The following ILDR2 variants were observed in gnomAD, a reference collection of about 807,000 sequenced individuals.
The protein encoded by ILDR2 is immunoglobulin like domain containing receptor 2.
ILDR2 carries 25 observed loss-of-function variants against 66.8 expected under a neutral mutation model. The observed-to-expected ratio is 0.37, with a 90% CI of 0.27 to 0.52. The LOEUF is 0.52. Among genes scored for constraint, ILDR2 ranks in the 20% least tolerant of loss-of-function variants. The probability of loss-of-function intolerance (pLI) is 0.88; values close to 1 mark genes in which losing one functional copy is unlikely to be tolerated. For synonymous variants in ILDR2, 367 were observed against 357.2 expected (o/e 1.03, Z -0.31); for missense variants, 827 against 876.8 (o/e 0.94, Z 0.72).
downstream of ILDR2, among the ~76,000 whole-genome samples, chr1:166,903,686 G>T (rs1408755894): frequency 6.6e-6 from 1 of 152,088 alleles, no homozygotes; most frequent in Non-Finnish European, 1.5e-5. Flanking sequence ...GATGTTGGGG[G>T]CCCCTGCAGC....
At chr1:166,935,590 A>C in intron 5 of ILDR2, 113 bp from the exon 6 acceptor site, 3 of 906,136 alleles carry the variant, frequency 3.3e-6, no homozygotes, top group East Asian at 2.8e-5. Flanking sequence ...GTGTATGTGC[A>C]TGTGTGAGCG....
intron 1 of ILDR2, among the ~76,000 whole-genome samples, chr1:166,974,790 C>A (rs1185117289): frequency 6.6e-6 from 1 of 152,214 alleles, no homozygotes; most frequent in Non-Finnish European, 1.5e-5. Flanking sequence ...CTAGCCTCCA[C>A]CTCCAGAAAA....
intron 3 of ILDR2, among the ~76,000 whole-genome samples, chr1:166,939,919 C>T (rs950393437): frequency 2.6e-5 from 4 of 152,164 alleles, no homozygotes; most frequent in Non-Finnish European, 2.9e-5. Context: ...AAGTCAAGCC[C>T]GTCTGTATCC....
At chr1:166,940,519 T>C (rs1458437521) in intron 3 of ILDR2, among the ~76,000 whole-genome samples, 1 of 152,202 alleles carries the variant, frequency 6.6e-6, no homozygotes, top group East Asian at 1.9e-4. Context: ...AAAGTCACTG[T>C]AGCACCTAAA....
intron 6 of ILDR2, among the ~76,000 whole-genome samples, chr1:166,930,803 G>A (rs1557936949): frequency 6.6e-6 from 1 of 152,056 alleles, no homozygotes; most frequent in African/African-American, 2.4e-5. Context: ...ATTTGTTAGC[G>A]TTCATTAAAT....
At chr1:166,925,524 T>C (rs1473845663) in intron 7 of ILDR2, among the ~76,000 whole-genome samples, 1 of 152,206 alleles carries the variant, frequency 6.6e-6, no homozygotes, top group East Asian at 1.9e-4. Context: ...GCTAGAAGGC[T>C]GTGGTCTCTG....
At chr1:166,968,328 C>G (rs1663082989) in intron 1 of ILDR2, among the ~76,000 whole-genome samples, 1 of 152,152 alleles carries the variant, frequency 6.6e-6, no homozygotes. Context: ...CCAACTCCTA[C>G]TTATCCTTCA....
At chr1:166,962,757 C>A (rs911663537) in intron 1 of ILDR2, among the ~76,000 whole-genome samples, 16 of 152,112 alleles carry the variant, frequency 1.1e-4, no homozygotes, top group African/African-American at 3.1e-4. Context: ...TGCCAAAAAC[C>A]AGGTACCAAG....
rs1287882750 is a variant in ILDR2 at position 166,911,116 on chromosome 1, A to T, written c.*8239T>A. 2.0e-5 allele frequency: 3 copies of T among 152,178 alleles called. No individual in the cohort carries two copies. The highest frequency in any genetic ancestry group is 4.4e-5 in the Non-Finnish European group (3 of 68,038). The allele number at this position is 152,178 out of a possible 1,614,324, so 9.4% of individuals were successfully genotyped here. On this transcript the variant is annotated 3_prime_UTR_variant, in exon 10 of 10. Coordinates refer to ENST00000271417, the MANE Select transcript of ILDR2 (RefSeq NM_199351.3). ...CATAATTTATTTGGCCACTCTTAACAATTAACAGCCTTCTGTTCACTCTTA... is the reference window on the plus strand; with the variant it reads ...CATAATTTATTTGGCCACTCTTAACTATTAACAGCCTTCTGTTCACTCTTA...
At chr1:166,934,633 G>A (rs1412679199) in intron 6 of ILDR2, among the ~76,000 whole-genome samples, 6 of 152,152 alleles carry the variant, frequency 3.9e-5, no homozygotes, top group African/African-American at 1.4e-4. Flanking sequence ...TGGCTCCGTC[G>A]TATCCTTCTA....
rs1659596287 is a variant in ILDR2, at chr1:166,915,236, A to T, written c.*4119T>A. On this transcript the variant is annotated 3_prime_UTR_variant, in exon 10 of 10. Coordinates refer to ENST00000271417, the MANE Select transcript of ILDR2 (RefSeq NM_199351.3). ...CTAGCGTACTCTGGTGAGCCCATCC[A>T]GGTCACAGCCAGACTTCTGAGTGAC... 2.0e-5 allele frequency: 3 copies of T among 152,242 alleles called. No individual in the cohort carries two copies. Among genetic ancestry groups the T allele is most frequent in the Admixed American group, 2.0e-4 (3 of 15,276 alleles). 9.4% of individuals were successfully genotyped at this position (152,242 alleles called of 1,614,324 possible). A position where few individuals can be genotyped will look rare whatever the true frequency, so the allele number is the denominator to read the frequency against.
chr1:166,938,341 A>C (rs1412856032), intron 4 of ILDR2, among the ~76,000 whole-genome samples: 1 of 152,234 alleles, frequency 6.6e-6, no homozygotes, highest in Non-Finnish European at 1.5e-5. Flanking sequence ...CTGTGAAAGG[A>C]TTCTTGGAAT....
At position 166,957,812 on chromosome 1, in the gene ILDR2, G is replaced by A; in HGVS notation, c.336C>T (p.Thr112=). ...CTCTGCCCCTGTAGAAATCTCCCAG[G>A]GTGACAGTCGAGCCCTGTTTTGAAG... ...VVASKQGSTV[T]LGDFYRGREI... is the part of the protein sequence containing the mutation. Residue 112 remains threonine (T), a synonymous_variant, in exon 2 of 10, where the codon ACC becomes ACT. Coordinates refer to ENST00000271417, the MANE Select transcript of ILDR2 (RefSeq NM_199351.3). 1.2e-6 allele frequency: 2 copies of A among 1,614,076 alleles called. No individual in the cohort carries two copies. The highest frequency in any genetic ancestry group is 1.7e-6 in the Non-Finnish European group (2 of 1,179,978).
In ILDR2 at chr1:166,916,770, T is replaced by G. The variant is rs1659659532; in HGVS notation, c.*2585A>C. The G allele has an allele frequency of 6.6e-6, 1 of 152,274 alleles. No individual in the cohort carries two copies. 9.4% of individuals were successfully genotyped at this position (152,274 alleles called of 1,614,324 possible). ...TAATTCAGTAGCCTGCTATCTTCTT[T>G]GTACTTTTCAGTCTATCTGTAGTTT... On this transcript the variant is annotated 3_prime_UTR_variant, in exon 10 of 10. Coordinates refer to ENST00000271417, the MANE Select transcript of ILDR2 (RefSeq NM_199351.3).
At chr1:166,929,810 A>G (rs1300885610) in intron 6 of ILDR2, among the ~76,000 whole-genome samples, 1 of 152,196 alleles carries the variant, frequency 6.6e-6, no homozygotes, top group Non-Finnish European at 1.5e-5. Context: ...ATGAGGCCAT[A>G]TGGGCGGTTT....
In ILDR2 at chr1:166,936,755, GA is replaced by G. The variant is rs760991599; in HGVS notation, c.557-19del. 2.2e-5 allele frequency: 36 copies of G among 1,613,672 alleles called. No individual in the cohort carries two copies. The highest frequency in any genetic ancestry group is 3.1e-5 in the Non-Finnish European group (36 of 1,179,834). ...CACCCACTCTGGAAGGATGCACAAA[GA>G]AATCCACACTCGAGGCAGCCCACCT... On this transcript the variant is annotated intron_variant, in intron 4 of 9. Transcript: ENST00000271417. The surrounding 1 kb of genome is among the most constrained non-coding windows in gnomAD (Gnocchi z 5.0).
At chr1:166,935,234 TAAC>T (rs1192027935) in intron 6 of ILDR2, 64 bp downstream of exon 6, 4 of 1,522,898 alleles carry the variant, frequency 2.6e-6, no homozygotes, top group Non-Finnish European at 3.6e-6. Context: ...TGACTGTTCT[TAAC>T]AACAAGGAAC....
chr1:166,915,882 C>T lies in ILDR2; in HGVS notation c.*3473G>A, dbSNP rs989163780. 7 of 152,212 alleles carry T rather than the reference C, an allele frequency of 4.6e-5. No homozygotes were observed. Among genetic ancestry groups the T allele is most frequent in the African/African-American group, 9.7e-5 (4 of 41,442 alleles). The allele number at this position is 152,212 out of a possible 1,614,324, so 9.4% of individuals were successfully genotyped here. Reference sequence around the variant, plus strand: ...AGGGGGATGTGAGGCCTAGCATCTCCGTGAGGCCTGCCCTGTGTTGGTGAA... The same window carrying T: ...AGGGGGATGTGAGGCCTAGCATCTCTGTGAGGCCTGCCCTGTGTTGGTGAA... On this transcript the variant is annotated 3_prime_UTR_variant, in exon 10 of 10. Coordinates refer to ENST00000271417, the MANE Select transcript of ILDR2 (RefSeq NM_199351.3).
In ILDR2 at chr1:166,916,172, T is replaced by A. The variant is rs977355148; in HGVS notation, c.*3183A>T. On this transcript the variant is annotated 3_prime_UTR_variant, in exon 10 of 10. Coordinates refer to ENST00000271417, the MANE Select transcript of ILDR2 (RefSeq NM_199351.3). ...GGCAAGCACAGCAGCTTATGCATCATCCCCCTGGGACCCCTGCTGCTCACC... is the reference window on the plus strand; with the variant it reads ...GGCAAGCACAGCAGCTTATGCATCAACCCCCTGGGACCCCTGCTGCTCACC... 6.6e-6 allele frequency: 1 copy of A among 152,224 alleles called. No individual in the cohort carries two copies. The highest frequency in any genetic ancestry group is 2.4e-5 in the African/African-American group (1 of 41,426). The allele number at this position is 152,224 out of a possible 1,614,324, so 9.4% of individuals were successfully genotyped here.
Sources: allele counts gnomAD v4.1 joint callset (sites outside exome capture counted in the v4.1 genomes callset), GRCh38; gene constraint gnomAD v4.1.1; non-coding constraint Gnocchi (gnomAD v3.1); transcripts MANE v1.5; gene names NCBI Gene and HGNC (gene_info 2026-07-23, HGNC 2026-07-21).